PARP11: variants seen among roughly 807,000 people sequenced by gnomAD.
PARP11 encodes the protein poly(ADP-ribose) polymerase family member 11.
Under a neutral mutation model 42.9 loss-of-function variants are expected in PARP11, and 31 were observed. That is an observed-to-expected ratio of 0.72 (90% CI 0.54 to 0.98). PARP11 has a LOEUF of 0.98. Among genes scored for constraint, PARP11 ranks in the 50% least tolerant of loss-of-function variants. The pLI, the probability that PARP11 is intolerant of heterozygous loss-of-function variation, is 0.00. For missense variants in PARP11, 365 were observed against 413.1 expected, an observed-to-expected ratio of 0.88 and a Z score of 1.01; for synonymous variants, 137 against 127.3, an observed-to-expected ratio of 1.08 and a Z score of -0.51.
In PARP11 at chr12:3,811,905, T is replaced by C; in HGVS notation, c.*218A>G. On this transcript the variant is annotated 3_prime_UTR_variant, in exon 8 of 8. Transcript: ENST00000228820. Reference sequence around the variant, plus strand: ...CCCCTATGTGTTAAAACATCAATGATATCAACTTTTAACAAACAAGACTAC... The same window carrying C: ...CCCCTATGTGTTAAAACATCAATGACATCAACTTTTAACAAACAAGACTAC... 1 of 520,882 alleles carries C rather than the reference T, an allele frequency of 1.9e-6. No homozygotes were observed. The highest frequency in any genetic ancestry group is 3.1e-5 in the South Asian group (1 of 32,222). The allele number at this position is 520,882 out of a possible 1,614,324, so 32.3% of individuals were successfully genotyped here.
intron 1 of PARP11, chr12:3,841,016 G>T (rs2072386): frequency 0.3 from 468,525 of 1,583,498 alleles, 85,261 homozygotes; most frequent in East Asian, 0.71. Context: ...CCAATTCCTG[G>T]TCGGTCAGTG....
rs1006603747 is a variant in PARP11 at position 3,812,009 on chromosome 12, A to G, written c.*114T>C. Reference sequence around the variant, plus strand: ...TTTTATATGGAGGCCACTTTTTTTCATATCTGTTTCAAAAGTATCAGATAA... The same window carrying G: ...TTTTATATGGAGGCCACTTTTTTTCGTATCTGTTTCAAAAGTATCAGATAA... On this transcript the variant is annotated 3_prime_UTR_variant, in exon 8 of 8. Transcript: ENST00000228820. 19 of 807,176 alleles carry G rather than the reference A, an allele frequency of 2.4e-5. No individual in the cohort carries two copies. The Admixed American group carries it at 4.6e-4, about 20-fold the overall frequency. The allele number at this position is 807,176 out of a possible 1,614,324, so 50.0% of individuals were successfully genotyped here.
In PARP11 at chr12:3,821,941, C is replaced by T. The variant is rs761779630; in HGVS notation, c.480G>A (p.Thr160=). Residue 160 remains threonine, a synonymous_variant, in exon 6 of 8, where the codon ACG becomes ACA. Transcript: ENST00000228820. ...YNEVANLFGK[T]MDRNRIKRIQ... is the part of the protein sequence containing the mutation. ...TTCTTTTAATTCGGTTGCGATCCAT[C>T]GTCTTCCCAAAGAGATTAGCAACTT... is the stretch of plus-strand genomic sequence containing the variant. 4.3e-6 allele frequency: 7 copies of T among 1,610,450 alleles called. No individual in the cohort carries two copies. Among genetic ancestry groups the T allele is most frequent in the Admixed American group, 1.7e-5 (1 of 58,640 alleles).
intron 1 of PARP11, chr12:3,841,586 A>G: frequency 6.2e-7 from 1 of 1,611,984 alleles, no homozygotes; most frequent in Non-Finnish European, 8.5e-7. Context: ...TCTGAAAGTC[A>G]CGGACAATTG....
chr12:3,812,554 T>A, intron 7 of PARP11, 115 bp from the exon 8 acceptor site: 2 of 721,010 alleles, frequency 2.8e-6, no homozygotes, highest in Non-Finnish European at 4.5e-6. Flanking sequence ...AAAATAGATG[T>A]GGAATTTCCT....
At chr12:3,825,162 T>A (rs912177809) in intron 4 of PARP11, among the ~76,000 whole-genome samples, 1 of 152,164 alleles carries the variant, frequency 6.6e-6, no homozygotes, top group Non-Finnish European at 1.5e-5. Context: ...AGAATTTCAA[T>A]ACTTGCTTGA....
chr12:3,829,096 G>A, intron 2 of PARP11, 66 bp from the exon 3 acceptor site: 1 of 1,574,078 alleles, frequency 6.4e-7, no homozygotes. Flanking sequence ...CACAGAGGTG[G>A]TACTGTGGTC....
chr12:3,812,808 G>T (rs1010514176), intron 7 of PARP11, among the ~76,000 whole-genome samples: 5 of 151,954 alleles, frequency 3.3e-5, no homozygotes, highest in African/African-American at 1.2e-4. Flanking sequence ...GTTTTGTTTT[G>T]TTCTGTTTTT....
rs1335307223 is a variant in PARP11 at position 3,861,596 on chromosome 12, T to G, written c.18+11616A>C. 1.3e-5 allele frequency among the ~76,000 whole-genome samples: 2 copies of G among 152,248 alleles called. No homozygotes were observed. Among genetic ancestry groups the G allele is most frequent in the Non-Finnish European group, 2.9e-5 (2 of 68,040 alleles). ...ATTTATCAGATATATGCTTTTTAAA[T>G]ACTTTCTCCCGTCTGTGGCTTATCT... On this transcript the variant is annotated intron_variant, in intron 1 of 7. Transcript: ENST00000228820. The surrounding 1 kb of genome is among the most constrained non-coding windows in gnomAD (Gnocchi z 4.6).
intron 1 of PARP11, among the ~76,000 whole-genome samples, chr12:3,859,712 T>C (rs1018013282): frequency 1.3e-5 from 2 of 152,106 alleles, no homozygotes; most frequent in Non-Finnish European, 2.9e-5. Flanking sequence ...AGAAATACAC[T>C]TTAGATTCAA....
chr12:3,840,982 T>G lies in PARP11; in HGVS notation c.19-10964A>C. ...AGCCTGGCCAAGTGAACCTACAACT[T>G]TTGGACCAACAGGTGTCCCTGCTCC... On this transcript the variant is annotated intron_variant, in intron 1 of 7. Coordinates refer to ENST00000228820, the MANE Select transcript of PARP11 (RefSeq NM_020367.6). This position sits in a 1 kb window ranked among gnomAD's most constrained non-coding sequence, Gnocchi z 4.4. 4 of 1,607,952 alleles carry G rather than the reference T, an allele frequency of 2.5e-6. No homozygotes were observed. Among genetic ancestry groups the G allele is most frequent in the Non-Finnish European group, 3.4e-6 (4 of 1,174,520 alleles).
At chr12:3,834,705 A>C (rs1947721388) in intron 1 of PARP11, among the ~76,000 whole-genome samples, 1 of 151,820 alleles carries the variant, frequency 6.6e-6, no homozygotes, top group Admixed American at 6.6e-5. Context: ...AAAGGCTAGG[A>C]GCTCCAATAT....
intron 1 of PARP11, among the ~76,000 whole-genome samples, chr12:3,832,884 G>A (rs1011825008): frequency 6.6e-6 from 1 of 152,182 alleles, no homozygotes; most frequent in Non-Finnish European, 1.5e-5. Flanking sequence ...GTACAAAGCG[G>A]CAAAGCATTT....
intron 1 of PARP11, among the ~76,000 whole-genome samples, chr12:3,849,117 T>A (rs1948049924): frequency 6.6e-6 from 1 of 152,062 alleles, no homozygotes; most frequent in Non-Finnish European, 1.5e-5. Context: ...TGAGACATCA[T>A]CTCACCTCAG....
chr12:3,850,318 CT>C (rs147310298), intron 1 of PARP11, among the ~76,000 whole-genome samples: 23 of 152,206 alleles, frequency 1.5e-4, no homozygotes, highest in African/African-American at 4.8e-4. Flanking sequence ...TCGAACACCC[CT>C]AATCCAAAAA....
At chr12:3,873,074 A>G in intron 1 of PARP11, 138 bp downstream of exon 1, 1 of 860,316 alleles carries the variant, frequency 1.2e-6, no homozygotes, top group South Asian at 1.4e-5. Flanking sequence ...ACAGAAGCCA[A>G]AAGGCCCGGG....
In PARP11 at chr12:3,809,013, T is replaced by C. The variant is rs1026909960; in HGVS notation, c.*3110A>G. Reference sequence around the variant, plus strand: ...CTTTCCTGTTTATAACTAAAAGATTTATGAAACTTTTTTTTTTACCCTGAG... The same window carrying C: ...CTTTCCTGTTTATAACTAAAAGATTCATGAAACTTTTTTTTTTACCCTGAG... On this transcript the variant is annotated 3_prime_UTR_variant, in exon 8 of 8. Transcript: ENST00000228820. 1 of 141,710 alleles carries C rather than the reference T, an allele frequency of 7.1e-6. No individual in the cohort carries two copies. The highest frequency in any genetic ancestry group is 1.5e-5 in the Non-Finnish European group (1 of 67,096). 8.8% of individuals were successfully genotyped at this position (141,710 alleles called of 1,614,324 possible).
At chr12:3,855,946 G>A (rs1004715860) in intron 1 of PARP11, among the ~76,000 whole-genome samples, 7 of 151,898 alleles carry the variant, frequency 4.6e-5, no homozygotes, top group Non-Finnish European at 1.0e-4. Context: ...CCAATGGAAC[G>A]GAACAGAACA....
chr12:3,829,043 C>G lies in PARP11; in HGVS notation c.148-13G>C. On this transcript the variant is annotated splice_polypyrimidine_tract_variant and intron_variant, in intron 2 of 7. Coordinates refer to ENST00000228820, the MANE Select transcript of PARP11 (RefSeq NM_020367.6). ...TGTTGGTATCCGGCTTTAAGACAAA[C>G]CAGAAAGTTTCATTTACCAGCTGTT... The G allele has an allele frequency of 6.2e-7, 1 of 1,613,060 alleles. No homozygotes were observed. The highest frequency in any genetic ancestry group is 8.5e-7 in the Non-Finnish European group (1 of 1,179,402).
Sources: allele counts gnomAD v4.1 joint callset (sites outside exome capture counted in the v4.1 genomes callset), GRCh38; gene constraint gnomAD v4.1.1; non-coding constraint Gnocchi (gnomAD v3.1); transcripts MANE v1.5; gene names NCBI Gene and HGNC (gene_info 2026-07-23, HGNC 2026-07-21).